Variants in PCSK5 observed in about 807,000 individuals in gnomAD.
PCSK5 encodes the protein prohormone convertase 5.
PCSK5 carries 129 observed loss-of-function variants against 233.2 expected under a neutral mutation model. The observed-to-expected ratio is 0.55, with a 90% CI of 0.48 to 0.64. The LOEUF (loss-of-function observed/expected upper bound fraction) is 0.64. Ranked by LOEUF, PCSK5 falls within the 30% of genes least tolerant of loss-of-function variation. The pLI is 0.00. For missense variants in PCSK5, 2,076 were observed against 2,430.1 expected, an observed-to-expected ratio of 0.85 and a Z score of 3.06; for synonymous variants, 825 against 879.2, an observed-to-expected ratio of 0.94 and a Z score of 1.09.
intron 7 of PCSK5, among the ~76,000 whole-genome samples, chr9:76,075,142 C>T (rs1045042214): frequency 1.3e-5 from 2 of 152,120 alleles, no homozygotes; most frequent in Non-Finnish European, 2.9e-5. Context: ...ATCGCTTGAA[C>T]CCAGGGAGTG....
intron 3 of PCSK5, among the ~76,000 whole-genome samples, chr9:75,988,512 A>G (rs6560481): frequency 0.71 from 107,920 of 151,858 alleles, 38,892 homozygotes; most frequent in East Asian, 0.82. Flanking sequence ...GACCTCCTGG[A>G]CTCAAGTGAT....
At chr9:76,143,644 C>T (rs539221289) in intron 10 of PCSK5, among the ~76,000 whole-genome samples, 6 of 151,352 alleles carry the variant, frequency 4.0e-5, no homozygotes, top group South Asian at 2.1e-4. Context: ...AGACATTCAG[C>T]GACATTTTTT....
At chr9:75,995,480 T>C (rs1441155359) in intron 3 of PCSK5, among the ~76,000 whole-genome samples, 1 of 152,200 alleles carries the variant, frequency 6.6e-6, no homozygotes, top group Non-Finnish European at 1.5e-5. Context: ...AAGAAATAAG[T>C]GTTTTATGAT....
chr9:76,078,912 G>A (rs1273202683), intron 7 of PCSK5, among the ~76,000 whole-genome samples: 1 of 152,146 alleles, frequency 6.6e-6, no homozygotes, highest in African/African-American at 2.4e-5. Flanking sequence ...ATTTCTCTGG[G>A]CAGTGTGGCC....
chr9:76,003,780 C>T (rs780460363), intron 3 of PCSK5, among the ~76,000 whole-genome samples: 14 of 151,800 alleles, frequency 9.2e-5, no homozygotes, highest in Non-Finnish European at 1.9e-4. Flanking sequence ...CAGGGTCATA[C>T]ATTGCCATTA....
At chr9:76,002,892 A>T (rs1827320040) in intron 3 of PCSK5, among the ~76,000 whole-genome samples, 1 of 152,210 alleles carries the variant, frequency 6.6e-6, no homozygotes, top group Admixed American at 6.5e-5. Context: ...TTGCAAGATA[A>T]CTGTCAGGAG....
At chr9:76,227,346 G>A (rs566352141) in intron 20 of PCSK5, among the ~76,000 whole-genome samples, 157 bp from the exon 21 acceptor site, 9 of 152,312 alleles carry the variant, frequency 5.9e-5, no homozygotes, top group African/African-American at 2.2e-4. Context: ...ATAAGGTCAG[G>A]ATTTGGGACT....
chr9:76,027,358 A>G (rs1828471785), intron 5 of PCSK5, among the ~76,000 whole-genome samples: 1 of 152,088 alleles, frequency 6.6e-6, no homozygotes, highest in Non-Finnish European at 1.5e-5. Flanking sequence ...GGAGAGGCCA[A>G]GCAAAGTGCC....
At chr9:76,017,243 A>T (rs1421559430) in intron 3 of PCSK5, among the ~76,000 whole-genome samples, 1 of 152,246 alleles carries the variant, frequency 6.6e-6, no homozygotes, top group African/African-American at 2.4e-5. Context: ...AATTCAGGTC[A>T]TCCAGCTAAC....
At chr9:76,043,048 A>G (rs1829190954) in intron 5 of PCSK5, among the ~76,000 whole-genome samples, 3 of 152,130 alleles carry the variant, frequency 2.0e-5, no homozygotes, top group Non-Finnish European at 4.4e-5. Flanking sequence ...CAAAGATGGT[A>G]AAGAAATGTA....
chr9:75,922,517 C>T (rs1823300071), intron 1 of PCSK5, among the ~76,000 whole-genome samples: 1 of 152,018 alleles, frequency 6.6e-6, no homozygotes, highest in African/African-American at 2.4e-5. Flanking sequence ...CAGGGAAGAC[C>T]CAGTAGGGAT....
intron 9 of PCSK5, among the ~76,000 whole-genome samples, chr9:76,128,749 T>C (rs1822626004): frequency 6.6e-6 from 1 of 152,232 alleles, no homozygotes; most frequent in Non-Finnish European, 1.5e-5. Flanking sequence ...TGCTTTTCTT[T>C]CATTTTTTCC....
At chr9:76,280,867 A>G (rs1827841407) in intron 24 of PCSK5, among the ~76,000 whole-genome samples, 1 of 151,750 alleles carries the variant, frequency 6.6e-6, no homozygotes, top group South Asian at 2.1e-4. Flanking sequence ...CACAAATGAT[A>G]AAAAAGAGAA....
At chr9:76,101,587 T>C (rs1389244388) in intron 8 of PCSK5, among the ~76,000 whole-genome samples, 1 of 152,222 alleles carries the variant, frequency 6.6e-6, no homozygotes, top group African/African-American at 2.4e-5. Context: ...TTTGACTTTT[T>C]TCCCCCTAGT....
At chr9:76,024,336 T>C (rs1828329291) in intron 4 of PCSK5, among the ~76,000 whole-genome samples, 1 of 152,216 alleles carries the variant, frequency 6.6e-6, no homozygotes, top group African/African-American at 2.4e-5. Context: ...TCAATTCCTT[T>C]CTTAAGAAGA....
chr9:75,929,752 G>A (rs887700193), intron 1 of PCSK5, among the ~76,000 whole-genome samples: 1 of 152,148 alleles, frequency 6.6e-6, no homozygotes, highest in African/African-American at 2.4e-5. Context: ...AGCTGGGGAG[G>A]CCCCACAATC....
intron 3 of PCSK5, among the ~76,000 whole-genome samples, chr9:76,022,426 T>C (rs1175273961): frequency 6.6e-6 from 1 of 152,122 alleles, no homozygotes; most frequent in Non-Finnish European, 1.5e-5. Flanking sequence ...TCTCTTCCAT[T>C]CCCGATATGC....
At chr9:76,095,451 GGGTTCAAATTTT>G (rs1171914973) in intron 7 of PCSK5, among the ~76,000 whole-genome samples, 1 of 152,094 alleles carries the variant, frequency 6.6e-6, no homozygotes, top group Non-Finnish European at 1.5e-5. Flanking sequence ...CTCACTCTCT[GGGTTCAAATTTT>G]GGCCCTACCA....
At chr9:76,270,118 CA>C (rs1467077344) in intron 24 of PCSK5, among the ~76,000 whole-genome samples, 1 of 151,934 alleles carries the variant, frequency 6.6e-6, no homozygotes, top group Non-Finnish European at 1.5e-5. Context: ...CTTGTTTACA[CA>C]AGCCCTAGTT....
Sources: gnomAD v4.1 joint callset for allele counts (sites outside exome capture counted in the v4.1 genomes callset) on GRCh38, gnomAD v4.1.1 for gene constraint, MANE v1.5 for transcripts, NCBI Gene and HGNC (gene_info 2026-07-23, HGNC 2026-07-21) for gene names.